Variants in CNTNAP4 observed in about 807,000 individuals in gnomAD.
CNTNAP4 encodes the protein contactin-associated protein-like 4.
A neutral mutation model predicts 148.4 loss-of-function variants in CNTNAP4; 98 were observed. The ratio of observed to expected loss-of-function variants is 0.66; its 90% CI spans 0.56 to 0.78. The LOEUF (loss-of-function observed/expected upper bound fraction) is 0.78, where lower values mean the gene tolerates loss of function less well. Ranked by LOEUF, CNTNAP4 falls within the 30% of genes least tolerant of loss-of-function variation. The pLI, the probability that CNTNAP4 is intolerant of heterozygous loss-of-function variation, is 0.00. For synonymous variants in CNTNAP4, 730 were observed against 565.1 expected, an observed-to-expected ratio of 1.29 and a Z score of -4.14; for missense variants, 1,935 against 1,565.6, an observed-to-expected ratio of 1.24 and a Z score of -3.98.
chr16:76,335,029 G>A (rs922942323), intron 2 of CNTNAP4, among the ~76,000 whole-genome samples: 3 of 152,076 alleles, frequency 2.0e-5, no homozygotes, highest in Non-Finnish European at 4.4e-5. Context: ...GCAAGCACTC[G>A]ATAGACACCA....
chr16:76,382,385 C>T (rs1425638129), intron 3 of CNTNAP4, among the ~76,000 whole-genome samples: 4 of 151,886 alleles, frequency 2.6e-5, no homozygotes, highest in Non-Finnish European at 4.4e-5. Flanking sequence ...GATCCCATTG[C>T]CAAAAAAATC....
At chr16:76,504,135 T>A (rs1045255438) in intron 15 of CNTNAP4, among the ~76,000 whole-genome samples, 28 of 152,062 alleles carry the variant, frequency 1.8e-4, no homozygotes, top group African/African-American at 6.0e-4. Context: ...GAAAGTAGAA[T>A]AGCAAAAATG....
At chr16:76,422,224 G>A (rs1323589452) in intron 3 of CNTNAP4, among the ~76,000 whole-genome samples, 2 of 151,946 alleles carry the variant, frequency 1.3e-5, no homozygotes. Context: ...AAGGCTTTTT[G>A]GTTTTTATCA....
chr16:76,400,875 T>C (rs1329080606), intron 3 of CNTNAP4, among the ~76,000 whole-genome samples: 6 of 152,136 alleles, frequency 3.9e-5, no homozygotes, highest in African/African-American at 1.4e-4. Context: ...TTCTGGGTAC[T>C]CTGTTCTGTT....
At chr16:76,425,594 G>T (rs1353808744) in intron 3 of CNTNAP4, among the ~76,000 whole-genome samples, 1 of 151,986 alleles carries the variant, frequency 6.6e-6, no homozygotes, top group Non-Finnish European at 1.5e-5. Flanking sequence ...TTTATGGGGA[G>T]TGTCAGGTAC....
intron 2 of CNTNAP4, among the ~76,000 whole-genome samples, chr16:76,334,072 C>A (rs904048709): frequency 6.6e-6 from 1 of 151,526 alleles, no homozygotes; most frequent in Non-Finnish European, 1.5e-5. Flanking sequence ...TGTAGATATA[C>A]CTAACACTAA....
At chr16:76,279,390 T>C (rs530384894) in intron 1 of CNTNAP4, among the ~76,000 whole-genome samples, 1 of 152,308 alleles carries the variant, frequency 6.6e-6, no homozygotes, top group South Asian at 2.1e-4. Context: ...TTCTTGAAGC[T>C]CAATAAAAAG....
chr16:76,347,206 T>A (rs9925190), intron 2 of CNTNAP4, among the ~76,000 whole-genome samples: 4,813 of 151,926 alleles, frequency 0.032, 257 homozygotes, highest in African/African-American at 0.11. Context: ...GAAAACTTCA[T>A]AAAAAATACC....
chr16:76,398,447 T>C (rs1597418739), intron 3 of CNTNAP4, among the ~76,000 whole-genome samples: 1 of 152,118 alleles, frequency 6.6e-6, no homozygotes, highest in Admixed American at 6.5e-5. Flanking sequence ...TACCGTGTCT[T>C]CCCTACCCAC....
chr16:76,287,078 C>T (rs1012449274), intron 1 of CNTNAP4, among the ~76,000 whole-genome samples: 2 of 152,156 alleles, frequency 1.3e-5, no homozygotes, highest in Non-Finnish European at 2.9e-5. Flanking sequence ...AGCTTCATAA[C>T]ACTACCTCTT....
intron 17 of CNTNAP4, among the ~76,000 whole-genome samples, chr16:76,526,741 A>C (rs1246099269): frequency 6.6e-6 from 1 of 152,134 alleles, no homozygotes; most frequent in African/African-American, 2.4e-5. Context: ...AGGTGTGCTC[A>C]CTGCTAACTG....
At chr16:76,330,600 A>G (rs1185371000) in intron 2 of CNTNAP4, among the ~76,000 whole-genome samples, 1 of 152,240 alleles carries the variant, frequency 6.6e-6, no homozygotes, top group Non-Finnish European at 1.5e-5. Context: ...CATTTTACAA[A>G]TTAAACTGGA....
At chr16:76,428,064 A>G (rs1162032745) in intron 4 of CNTNAP4, among the ~76,000 whole-genome samples, 2 of 152,196 alleles carry the variant, frequency 1.3e-5, no homozygotes, top group Non-Finnish European at 2.9e-5. Context: ...TAAATGTGCT[A>G]TGCTGTCAGT....
At chr16:76,544,300 G>T (rs4074089) in intron 21 of CNTNAP4, among the ~76,000 whole-genome samples, 35,503 of 151,638 alleles carry the variant, frequency 0.23, 5,176 homozygotes, top group Middle Eastern at 0.33. Flanking sequence ...TGGAAAAAGA[G>T]ATATAAAGGA....
chr16:76,514,999 A>C (rs1229126550), intron 15 of CNTNAP4, among the ~76,000 whole-genome samples: 2 of 152,184 alleles, frequency 1.3e-5, no homozygotes, highest in East Asian at 3.9e-4. Context: ...ATGCATATAA[A>C]ATTTCCTGTA....
chr16:76,319,288 A>C (rs570415061), intron 2 of CNTNAP4, among the ~76,000 whole-genome samples: 10 of 152,130 alleles, frequency 6.6e-5, no homozygotes, highest in African/African-American at 2.4e-4. Context: ...GCTATCCAGG[A>C]GGCTGAGGCA....
intron 2 of CNTNAP4, among the ~76,000 whole-genome samples, chr16:76,336,844 T>G (rs1964068146): frequency 6.6e-6 from 1 of 152,200 alleles, no homozygotes; most frequent in East Asian, 1.9e-4. Context: ...ATGTCTACCT[T>G]TGATCAAAAT....
At chr16:76,355,093 T>C (rs780242399) in intron 2 of CNTNAP4, among the ~76,000 whole-genome samples, 2 of 152,184 alleles carry the variant, frequency 1.3e-5, no homozygotes, top group Non-Finnish European at 2.9e-5. Context: ...TCTCCCAGTT[T>C]TAGAAGGCTA....
chr16:76,472,367 C>G (rs547517716), intron 10 of CNTNAP4, among the ~76,000 whole-genome samples: 8 of 152,036 alleles, frequency 5.3e-5, no homozygotes, highest in African/African-American at 1.9e-4. Flanking sequence ...AAAATTGACT[C>G]AGTTGGTCTT....
Sources: gnomAD v4.1 joint callset for allele counts (sites outside exome capture counted in the v4.1 genomes callset) on GRCh38, gnomAD v4.1.1 for gene constraint, MANE v1.5 for transcripts, NCBI Gene and HGNC (gene_info 2026-07-23, HGNC 2026-07-21) for gene names.